The following ANKIB1 variants were observed in gnomAD, a reference collection of about 807,000 sequenced individuals.
ANKIB1 encodes ankyrin repeat and IBR domain containing 1.
A neutral mutation model predicts 122.1 loss-of-function variants in ANKIB1; 43 were observed. The observed-to-expected ratio is 0.35, with a 90% confidence interval of 0.28 to 0.45. ANKIB1 has a LOEUF of 0.45. Among genes scored for constraint, ANKIB1 ranks in the 20% least tolerant of loss-of-function variants. ANKIB1 has a pLI of 1.00. For missense variants in ANKIB1, 992 were observed against 1,329.5 expected, an observed-to-expected ratio of 0.75 and a Z score of 3.95; for synonymous variants, 390 against 442.0, an observed-to-expected ratio of 0.88 and a Z score of 1.48.
intron 2 of ANKIB1, among the ~76,000 whole-genome samples, chr7:92,299,042 G>A (rs376798731): frequency 3.2e-4 from 48 of 152,288 alleles, no homozygotes; most frequent in African/African-American, 1.1e-3. Context: ...AACAATGGTT[G>A]TTTAGACTTG....
rs1800950499 is a variant in ANKIB1 at position 92,246,065 on chromosome 7, T to TGGTGGCGGTGGG, written c.-540_-529dup. The TGGTGGCGGTGGG allele has an allele frequency of 3.6e-6, 1 of 279,214 alleles. No individual in the cohort carries two copies. The highest frequency in any genetic ancestry group is 1.7e-4 in the East Asian group (1 of 5,928). 17.3% of individuals were successfully genotyped at this position (279,214 alleles called of 1,614,324 possible). ...GTGGCAGGCGACTAGGAGACTAGGG[T>TGGTGGCGGTGGG]GGTGGCGGTGGGGGTGCCAGCGGCT... On this transcript the variant is annotated 5_prime_UTR_variant, in exon 1 of 20. Transcript: ENST00000265742.
At chr7:92,354,370 C>G (rs571506949) in intron 9 of ANKIB1, among the ~76,000 whole-genome samples, 1 of 152,104 alleles carries the variant, frequency 6.6e-6, no homozygotes, top group East Asian at 1.9e-4. Flanking sequence ...GAGTTTTATC[C>G]CAGTTCAAGG....
At chr7:92,273,738 A>G (rs1163616246) in intron 1 of ANKIB1, among the ~76,000 whole-genome samples, 1 of 151,912 alleles carries the variant, frequency 6.6e-6, no homozygotes, top group African/African-American at 2.4e-5. Flanking sequence ...AAGATTCACT[A>G]CTTAACATTG....
intron 5 of ANKIB1, among the ~76,000 whole-genome samples, chr7:92,330,982 A>C (rs2131961759): frequency 6.6e-6 from 1 of 152,318 alleles, no homozygotes; most frequent in Non-Finnish European, 1.5e-5. Flanking sequence ...TAGCACCAGA[A>C]GGTATACTCT....
intron 10 of ANKIB1, among the ~76,000 whole-genome samples, chr7:92,365,303 A>T (rs1804047097): frequency 6.6e-6 from 1 of 152,198 alleles, no homozygotes; most frequent in Non-Finnish European, 1.5e-5. Context: ...GAGGGTTAGG[A>T]AACACTTTAT....
intron 11 of ANKIB1, among the ~76,000 whole-genome samples, chr7:92,376,445 A>AT (rs1226527636): frequency 4.9e-5 from 7 of 142,976 alleles, no homozygotes; most frequent in African/African-American, 1.3e-4. Flanking sequence ...CTTTTTTTTT[A>AT]TTTTTTATTT....
intron 3 of ANKIB1, among the ~76,000 whole-genome samples, chr7:92,314,486 C>T (rs1177859391): frequency 1.3e-5 from 2 of 152,128 alleles, no homozygotes; most frequent in African/African-American, 2.4e-5. Context: ...CACCTGAGAA[C>T]TTGTTGGAAA....
At chr7:92,325,632 C>CTT (rs397956901) in intron 4 of ANKIB1, among the ~76,000 whole-genome samples, 2 of 144,938 alleles carry the variant, frequency 1.4e-5, no homozygotes, top group East Asian at 2.0e-4. Flanking sequence ...AGTGCCTATT[C>CTT]TTTTTTTTTT....
chr7:92,341,711 T>A (rs779935616), intron 5 of ANKIB1, among the ~76,000 whole-genome samples: 21 of 152,244 alleles, frequency 1.4e-4, no homozygotes, highest in Admixed American at 4.6e-4. Context: ...AAACTCTGTA[T>A]ATACACAGAT....
At chr7:92,362,356 A>C in intron 10 of ANKIB1, 83 bp downstream of exon 10, 1 of 1,299,310 alleles carries the variant, frequency 7.7e-7, no homozygotes, top group East Asian at 2.6e-5. Flanking sequence ...TTTAGTCTTT[A>C]TTTAAGAGGT....
chr7:92,391,081 TA>T, intron 15 of ANKIB1, 84 bp from the exon 16 acceptor site: 1 of 1,178,254 alleles, frequency 8.5e-7, no homozygotes, highest in South Asian at 2.7e-5. Flanking sequence ...GAGTTAGATT[TA>T]ACTGAGAAAC....
chr7:92,327,740 T>C, intron 4 of ANKIB1, 43 bp from the exon 5 acceptor site: 1 of 1,053,438 alleles, frequency 9.5e-7, no homozygotes, highest in South Asian at 1.7e-5. Flanking sequence ...TAACTTCCTA[T>C]GAGTATAATG....
intron 1 of ANKIB1, among the ~76,000 whole-genome samples, chr7:92,269,713 T>C (rs986943683): frequency 3.3e-5 from 5 of 152,138 alleles, no homozygotes; most frequent in African/African-American, 1.2e-4. Context: ...GCTACCTTGG[T>C]GTTGTATCTT....
chr7:92,360,869 T>A (rs1016285843), intron 9 of ANKIB1, among the ~76,000 whole-genome samples: 4 of 152,186 alleles, frequency 2.6e-5, no homozygotes, highest in African/African-American at 9.7e-5. Context: ...AACTTTTTTT[T>A]ATTTTTTTTC....
At chr7:92,324,699 TTC>T (rs1192406764) in intron 4 of ANKIB1, among the ~76,000 whole-genome samples, 7 of 152,250 alleles carry the variant, frequency 4.6e-5, no homozygotes, top group Non-Finnish European at 8.8e-5. Context: ...AAAATTTATG[TTC>T]TGAAGGTGAA....
chr7:92,285,821 G>T (rs2131907748), intron 1 of ANKIB1, among the ~76,000 whole-genome samples: 1 of 152,236 alleles, frequency 6.6e-6, no homozygotes, highest in Admixed American at 6.5e-5. Flanking sequence ...AGACTCTTAG[G>T]GTAGGAATCA....
chr7:92,360,074 A>T (rs374877825), intron 9 of ANKIB1, among the ~76,000 whole-genome samples: 3 of 151,406 alleles, frequency 2.0e-5, no homozygotes, highest in African/African-American at 2.4e-5. Context: ...CAATTGGTGC[A>T]TTTTTTTTTA....
At chr7:92,358,107 T>G (rs1803862713) in intron 9 of ANKIB1, among the ~76,000 whole-genome samples, 2 of 152,058 alleles carry the variant, frequency 1.3e-5, no homozygotes, top group South Asian at 4.1e-4. Flanking sequence ...CTGGGCATGG[T>G]GTTGTGCACC....
rs752731057 is a variant in ANKIB1 at position 92,295,164 on chromosome 7, A to C, written c.186A>C (p.Leu62Phe). The C allele has an allele frequency of 1.3e-5, 20 of 1,542,136 alleles. No individual in the cohort carries two copies. The highest frequency in any genetic ancestry group is 1.7e-5 in the Non-Finnish European group (19 of 1,141,784). ...CTAGACATGGAATGAATAAAATATT[A>C]GGGTAAGTATTACTATAAACTAATT... ...YAARHGMNKI[L>F]GTFLGRDGNP... Residue 62 changes from leucine (L) to phenylalanine (F), a missense_variant and splice_region_variant, in exon 2 of 20, where the codon TTA (leucine) becomes TTC (phenylalanine). Leu to Phe is a conservative substitution (Grantham distance 22). Transcript: ENST00000265742.
Sources: allele counts gnomAD v4.1 joint callset (sites outside exome capture counted in the v4.1 genomes callset), GRCh38; gene constraint gnomAD v4.1.1; transcripts MANE v1.5; gene names NCBI Gene and HGNC (gene_info 2026-07-23, HGNC 2026-07-21).